Variants in GRIK4 observed in about 807,000 individuals in gnomAD.
GRIK4 encodes glutamate ionotropic receptor kainate type subunit 4.
A neutral mutation model predicts 104.9 loss-of-function variants in GRIK4; 40 were observed. The ratio of observed to expected loss-of-function variants is 0.38; its 90% CI spans 0.30 to 0.50. GRIK4 has a LOEUF of 0.50. Ranked by LOEUF, GRIK4 falls within the 20% of genes least tolerant of loss-of-function variation. GRIK4 has a pLI of 0.93. For missense variants in GRIK4, 1,047 were observed against 1,308.1 expected, an observed-to-expected ratio of 0.80 and a Z score of 3.08; for synonymous variants, 485 against 524.9, an observed-to-expected ratio of 0.92 and a Z score of 1.04.
intron 1 of GRIK4, among the ~76,000 whole-genome samples, chr11:120,544,583 G>A (rs184793214): frequency 3.9e-5 from 6 of 152,108 alleles, no homozygotes; most frequent in East Asian, 3.9e-4. Context: ...CACCTGCCTC[G>A]GCCTCCCAAA....
At chr11:120,760,112 A>G (rs570777125) in intron 3 of GRIK4, among the ~76,000 whole-genome samples, 1 of 151,838 alleles carries the variant, frequency 6.6e-6, no homozygotes, top group African/African-American at 2.4e-5. Context: ...GCCATTTTGT[A>G]TTCTTAGACT....
In GRIK4 at chr11:120,524,012, C is replaced by T. The variant is rs553847805; in HGVS notation, c.-159+12125C>T. ...CACGATCTCGGCTCACTGCAACCTC[C>T]GCCTCCCAGGTTCAAGTGATTCCCC... On this transcript the variant is annotated intron_variant, in intron 1 of 20. Coordinates refer to ENST00000527524, the MANE Select transcript of GRIK4 (RefSeq NM_014619.5). The surrounding 1 kb of genome is among the most constrained non-coding windows in gnomAD (Gnocchi z 4.5). Among the ~76,000 whole-genome samples the T allele has an allele frequency of 1.1e-3, 164 of 152,080 alleles. No homozygotes were observed. The highest frequency in any genetic ancestry group is 3.7e-3 in the African/African-American group (155 of 41,472).
At chr11:120,661,678 G>A (rs79628698) in intron 3 of GRIK4, among the ~76,000 whole-genome samples, 7,223 of 152,214 alleles carry the variant, frequency 0.047, 522 homozygotes, top group African/African-American at 0.16. Flanking sequence ...GTCACAGGCC[G>A]GAAGCCCAGC....
chr11:120,666,841 T>A (rs1251908777), intron 3 of GRIK4, among the ~76,000 whole-genome samples: 1 of 152,196 alleles, frequency 6.6e-6, no homozygotes, highest in African/African-American at 2.4e-5. Context: ...TGATATTTCA[T>A]GAGAATTTCA....
intron 7 of GRIK4, among the ~76,000 whole-genome samples, chr11:120,833,291 G>GACAC (rs35508124): frequency 5.6e-4 from 84 of 149,920 alleles, no homozygotes; most frequent in African/African-American, 1.9e-3. Context: ...CTTTCTCTCT[G>GACAC]ACACACACAC....
rs1350589286 is a variant in GRIK4, at chr11:120,956,235, CTGTT to C, written c.1701-541_1701-538del. Among the ~76,000 whole-genome samples the C allele has an allele frequency of 6.7e-6, 1 of 149,178 alleles. No homozygotes were observed. The highest frequency in any genetic ancestry group is 1.5e-5 in the Non-Finnish European group (1 of 67,594). On this transcript the variant is annotated intron_variant, in intron 15 of 20. Coordinates refer to ENST00000527524, the MANE Select transcript of GRIK4 (RefSeq NM_014619.5). This position sits in a 1 kb window ranked among gnomAD's most constrained non-coding sequence, Gnocchi z 4.6. ...TTTTTTTTTGAGACAGGGTCTCACTCTGTTTGTCCAGGCTGGAGTACAGTGGTGG... is the reference window on the plus strand; with the variant it reads ...TTTTTTTTTGAGACAGGGTCTCACTCTGTCCAGGCTGGAGTACAGTGGTGG...
intron 13 of GRIK4, among the ~76,000 whole-genome samples, chr11:120,910,672 T>G (rs1458695585): frequency 1.3e-5 from 2 of 152,210 alleles, no homozygotes; most frequent in Admixed American, 1.3e-4. Flanking sequence ...CATGGATGTA[T>G]AAACAGTTTT....
intron 3 of GRIK4, among the ~76,000 whole-genome samples, chr11:120,792,659 G>A (rs1164985282): frequency 6.6e-6 from 1 of 152,160 alleles, no homozygotes; most frequent in Non-Finnish European, 1.5e-5. Context: ...GTTATTGGAA[G>A]GTGCGGAATT....
rs750115217 is a variant in GRIK4 at position 120,988,398 on chromosome 11, T to C, written c.*2138T>C. 1 of 152,144 alleles carries C rather than the reference T, an allele frequency of 6.6e-6. No homozygotes were observed. Among genetic ancestry groups the C allele is most frequent in the Non-Finnish European group, 1.5e-5 (1 of 68,036 alleles). The allele number at this position is 152,144 out of a possible 1,614,324, so 9.4% of individuals were successfully genotyped here. A position where few individuals can be genotyped will look rare whatever the true frequency, so the allele number is the denominator to read the frequency against. Reference sequence around the variant, plus strand: ...AGACAACGTGGTTCCTACTGTCAGATCACATTTGGGGCGGGAAGGGTGGTT... The same window carrying C: ...AGACAACGTGGTTCCTACTGTCAGACCACATTTGGGGCGGGAAGGGTGGTT... On this transcript the variant is annotated 3_prime_UTR_variant, in exon 21 of 21. Transcript: ENST00000527524.
chr11:120,971,110 G>A (rs772916621), intron 19 of GRIK4, among the ~76,000 whole-genome samples: 5 of 152,154 alleles, frequency 3.3e-5, no homozygotes, highest in African/African-American at 9.7e-5. Flanking sequence ...AGGCCTGAAC[G>A]AGCAATTAAG....
chr11:120,969,048 A>G (rs900474420), intron 19 of GRIK4, among the ~76,000 whole-genome samples: 1 of 152,194 alleles, frequency 6.6e-6, no homozygotes, highest in Admixed American at 6.5e-5. Flanking sequence ...TTCCATCAAT[A>G]GGGATATGCT....
intron 3 of GRIK4, among the ~76,000 whole-genome samples, chr11:120,760,055 C>A (rs941208112): frequency 6.6e-6 from 1 of 151,776 alleles, no homozygotes; most frequent in Non-Finnish European, 1.5e-5. Flanking sequence ...AGATTTTAAT[C>A]CTCACATTGT....
chr11:120,967,832 G>T lies in GRIK4; in HGVS notation c.2395+509G>T, dbSNP rs954881230. ...CCCCCTCAGCCTTCCTCTCTTCTCT[G>T]TGGTCCCCAAGCCTCCCATGTGGCT... On this transcript the variant is annotated intron_variant, in intron 19 of 20. Transcript: ENST00000527524. The surrounding 1 kb of genome is among the most constrained non-coding windows in gnomAD (Gnocchi z 4.2). 2.6e-5 allele frequency among the ~76,000 whole-genome samples: 4 copies of T among 151,706 alleles called. No individual in the cohort carries two copies. The highest frequency in any genetic ancestry group is 5.9e-5 in the Non-Finnish European group (4 of 67,962).
chr11:120,865,130 G>C (rs1954372476), intron 9 of GRIK4, among the ~76,000 whole-genome samples: 1 of 151,998 alleles, frequency 6.6e-6, no homozygotes, highest in Non-Finnish European at 1.5e-5. Context: ...GGTAGCTTTT[G>C]CTACATAAAT....
Position 120,819,187 on chromosome 11 carries a change from C to T in GRIK4, c.346-568C>T, listed in dbSNP as rs893112817. Among the ~76,000 whole-genome samples, 1 of 152,176 alleles carries T rather than the reference C, an allele frequency of 6.6e-6. No individual in the cohort carries two copies. Among genetic ancestry groups the T allele is most frequent in the Non-Finnish European group, 1.5e-5 (1 of 68,040 alleles). On this transcript the variant is annotated intron_variant, in intron 5 of 20. Transcript: ENST00000527524. This position sits in a 1 kb window ranked among gnomAD's most constrained non-coding sequence, Gnocchi z 4.3. Reference sequence around the variant, plus strand: ...CTGCAGGGCTTCCTTCCTCCATGTGCGCATGTGTGTCTGTGCGGGAGCCCA... The same window carrying T: ...CTGCAGGGCTTCCTTCCTCCATGTGTGCATGTGTGTCTGTGCGGGAGCCCA...
intron 1 of GRIK4, among the ~76,000 whole-genome samples, chr11:120,628,504 C>A (rs1056111490): frequency 6.6e-6 from 1 of 152,176 alleles, no homozygotes; most frequent in Non-Finnish European, 1.5e-5. Context: ...GATTGTAGAT[C>A]CCCTGAAGCC....
intron 1 of GRIK4, among the ~76,000 whole-genome samples, chr11:120,568,728 C>A (rs1948361460): frequency 6.6e-6 from 1 of 152,146 alleles, no homozygotes; most frequent in South Asian, 2.1e-4. Context: ...ACATTTAAGT[C>A]TCACCTCTCC....
chr11:120,620,087 T>C (rs1392613419), intron 1 of GRIK4: 1 of 723,320 alleles, frequency 1.4e-6, no homozygotes, highest in African/African-American at 1.7e-5. Flanking sequence ...TCTCTAAAAC[T>C]GGCCTCATTG....
At chr11:120,818,215 G>A (rs1953011291) in intron 5 of GRIK4, among the ~76,000 whole-genome samples, 1 of 152,232 alleles carries the variant, frequency 6.6e-6, no homozygotes, top group South Asian at 2.1e-4. Context: ...CTAATGGAAT[G>A]TGGTAGGCTA....
Sources: gnomAD v4.1 joint callset for allele counts (sites outside exome capture counted in the v4.1 genomes callset) on GRCh38, gnomAD v4.1.1 for gene constraint, Gnocchi (gnomAD v3.1) non-coding constraint, MANE v1.5 for transcripts, NCBI Gene and HGNC (gene_info 2026-07-23, HGNC 2026-07-21) for gene names.